The following MNAT1 variants were observed in gnomAD, a reference collection of about 807,000 sequenced individuals.
The protein encoded by MNAT1 is MNAT1 component of CDK activating kinase.
Under a neutral mutation model 42.0 loss-of-function variants are expected in MNAT1, and 43 were observed. The observed-to-expected ratio is 1.02, with a 90% CI of 0.80 to 1.32. MNAT1 has a LOEUF of 1.32. Among genes scored for constraint, MNAT1 ranks in the 40% most tolerant of loss-of-function variants. The pLI is 0.00. For synonymous variants in MNAT1, 118 were observed against 120.0 expected, an observed-to-expected ratio of 0.98 and a Z score of 0.11; for missense variants, 306 against 350.4, an observed-to-expected ratio of 0.87 and a Z score of 1.01.
chr14:60,875,829 C>A (rs768505203), intron 6 of MNAT1, among the ~76,000 whole-genome samples: 1 of 152,028 alleles, frequency 6.6e-6, no homozygotes, highest in East Asian at 1.9e-4. Flanking sequence ...AGCTTGTCTT[C>A]CTTAAGTATT....
At chr14:60,776,060 T>G (rs1261315360) in intron 1 of MNAT1, among the ~76,000 whole-genome samples, 1 of 152,226 alleles carries the variant, frequency 6.6e-6, no homozygotes, top group African/African-American at 2.4e-5. Flanking sequence ...GATAGATGGC[T>G]TCAACCATAG....
At chr14:60,791,658 T>C (rs1198028574) in intron 1 of MNAT1, among the ~76,000 whole-genome samples, 2 of 152,168 alleles carry the variant, frequency 1.3e-5, no homozygotes, top group African/African-American at 4.8e-5. Flanking sequence ...CAAAGTTAAC[T>C]GGATCCCGTG....
At chr14:60,811,298 C>CTTTTTTTT (rs569520885) in intron 4 of MNAT1, among the ~76,000 whole-genome samples, 3 of 80,308 alleles carry the variant, frequency 3.7e-5, no homozygotes, top group Admixed American at 1.4e-4. Flanking sequence ...TCTATTCTTT[C>CTTTTTTTT]TTTTTTTTTT....
At chr14:60,910,585 A>G (rs1262606396) in intron 7 of MNAT1, among the ~76,000 whole-genome samples, 1 of 152,094 alleles carries the variant, frequency 6.6e-6, no homozygotes, top group Non-Finnish European at 1.5e-5. Context: ...TGAGATAATC[A>G]TGTTTTTTTG....
At chr14:60,863,306 T>C (rs988020685) in intron 6 of MNAT1, among the ~76,000 whole-genome samples, 1 of 152,118 alleles carries the variant, frequency 6.6e-6, no homozygotes, top group Non-Finnish European at 1.5e-5. Flanking sequence ...AGAGCTGTAC[T>C]TCATGACTCT....
rs200165574 is a variant in MNAT1 at position 60,879,770 on chromosome 14, C to A, written c.744C>A (p.Tyr248Ter). The change falls in exon 7 of 8, where the codon TAC (tyrosine) becomes TAA (stop). Residue 248 changes from tyrosine (Y) to a stop codon, truncating the protein, a stop_gained. Transcript: ENST00000261245. LOFTEE classifies it high-confidence loss of function. ...AGCTTGAAGAAGCTCTGTATGAATACCAGCCACTGCAGATAGAGACATATG... is the reference window on the plus strand; with the variant it reads ...AGCTTGAAGAAGCTCTGTATGAATAACAGCCACTGCAGATAGAGACATATG... ...IHKLEEALYE[Y>*]QPLQIETYGP... The A allele has an allele frequency of 1.2e-6, 2 of 1,613,124 alleles. No homozygotes were observed. The highest frequency in any genetic ancestry group is 1.7e-6 in the Non-Finnish European group (2 of 1,179,350).
At chr14:60,839,759 G>A (rs184736379) in intron 6 of MNAT1, among the ~76,000 whole-genome samples, 133 of 152,344 alleles carry the variant, frequency 8.7e-4, no homozygotes, top group Non-Finnish European at 1.5e-3. Flanking sequence ...AGCCACTTGC[G>A]GTGCATCTGA....
At chr14:60,833,294 G>A (rs900357033) in intron 6 of MNAT1, among the ~76,000 whole-genome samples, 19 of 152,202 alleles carry the variant, frequency 1.2e-4, no homozygotes, top group African/African-American at 4.3e-4. Context: ...TGCCCATTCC[G>A]TATGATATTG....
chr14:60,894,278 T>G (rs1181307704), intron 7 of MNAT1, among the ~76,000 whole-genome samples: 1 of 144,076 alleles, frequency 6.9e-6, no homozygotes, highest in East Asian at 2.0e-4. Context: ...GGCTTGGATG[T>G]TTTTTTTTTT....
intron 6 of MNAT1, among the ~76,000 whole-genome samples, chr14:60,833,510 G>A (rs2033284854): frequency 6.6e-6 from 1 of 152,192 alleles, no homozygotes; most frequent in Non-Finnish European, 1.5e-5. Context: ...AACCAACCTT[G>A]CATCCCAGGG....
At chr14:60,854,095 A>G (rs536802053) in intron 6 of MNAT1, among the ~76,000 whole-genome samples, 3 of 152,164 alleles carry the variant, frequency 2.0e-5, no homozygotes, top group African/African-American at 4.8e-5. Context: ...AGATTCAGCT[A>G]TTGATACTTG....
At chr14:60,769,562 G>A (rs923565120) in intron 1 of MNAT1, among the ~76,000 whole-genome samples, 2 of 152,102 alleles carry the variant, frequency 1.3e-5, no homozygotes, top group Non-Finnish European at 1.5e-5. Context: ...GCGATTATAG[G>A]TGTGAGCCAC....
chr14:60,874,391 C>T (rs1380453502), intron 6 of MNAT1, among the ~76,000 whole-genome samples: 1 of 152,158 alleles, frequency 6.6e-6, no homozygotes, highest in Non-Finnish European at 1.5e-5. Context: ...ATATCGCTGT[C>T]CTCCCCATTG....
At chr14:60,926,961 T>A (rs1261325356) in intron 7 of MNAT1, among the ~76,000 whole-genome samples, 1 of 152,162 alleles carries the variant, frequency 6.6e-6, no homozygotes, top group Non-Finnish European at 1.5e-5. Flanking sequence ...CTAAGGCATT[T>A]AGGAGCTCTG....
At chr14:60,868,931 T>A (rs891460408) in intron 6 of MNAT1, among the ~76,000 whole-genome samples, 1 of 151,402 alleles carries the variant, frequency 6.6e-6, no homozygotes, top group South Asian at 2.1e-4. Context: ...AAGAGCATTT[T>A]AAAATTTATG....
intron 3 of MNAT1, among the ~76,000 whole-genome samples, chr14:60,802,984 G>GT (rs2032255372): frequency 6.7e-6 from 1 of 149,794 alleles, no homozygotes; most frequent in African/African-American, 2.5e-5. Flanking sequence ...CCAGGCTGGA[G>GT]TGTAGTGGCA....
In MNAT1 at chr14:60,879,943, G is replaced by T. The variant is rs4151296; in HGVS notation, c.809+108G>T. On this transcript the variant is annotated intron_variant, in intron 7 of 7. Transcript: ENST00000261245. ...GATTTTCAGTTTATAGAACTTTACTGTTTTGTGAAAAATGAACAGTACTCA... is the reference window on the plus strand; with the variant it reads ...GATTTTCAGTTTATAGAACTTTACTTTTTTGTGAAAAATGAACAGTACTCA... 18 of 1,301,054 alleles carry T rather than the reference G, an allele frequency of 1.4e-5. No individual in the cohort carries two copies. The South Asian group carries it at 3.0e-4, about 22-fold the overall frequency. 80.6% of individuals were successfully genotyped at this position (1,301,054 alleles called of 1,614,324 possible).
intron 7 of MNAT1, among the ~76,000 whole-genome samples, chr14:60,928,656 G>A (rs568475701): frequency 2.0e-5 from 3 of 151,946 alleles, no homozygotes; most frequent in South Asian, 4.2e-4. Flanking sequence ...TATGATGTCT[G>A]TTCAGATCTT....
chr14:60,872,492 G>A (rs1292376691), intron 6 of MNAT1, among the ~76,000 whole-genome samples: 18 of 151,920 alleles, frequency 1.2e-4, no homozygotes, highest in Non-Finnish European at 1.9e-4. Flanking sequence ...GATTGCTACC[G>A]ATTCTTGCAG....
Sources: allele counts gnomAD v4.1 joint callset (sites outside exome capture counted in the v4.1 genomes callset), GRCh38; gene constraint gnomAD v4.1.1; transcripts MANE v1.5; gene names NCBI Gene and HGNC (gene_info 2026-07-23, HGNC 2026-07-21).